Variants in DLGAP2 observed in about 807,000 individuals in gnomAD.
DLGAP2 encodes the protein DLG associated protein 2, also known as disks large-associated protein 2.
In DLGAP2, 26 loss-of-function variants were observed where a neutral mutation model predicts 100.3. The ratio of observed to expected loss-of-function variants is 0.26; its 90% CI spans 0.19 to 0.36. DLGAP2 has a LOEUF of 0.36. Among genes scored for constraint, DLGAP2 ranks in the 10% least tolerant of loss-of-function variants. DLGAP2 has a pLI of 1.00. For missense variants in DLGAP2, 1,858 were observed against 1,453.2 expected (o/e 1.28, Z -4.53); for synonymous variants, 886 against 630.1 (o/e 1.41, Z -6.08).
At chr8:1,192,656 C>T (rs1328897783) in intron 2 of DLGAP2, among the ~76,000 whole-genome samples, 1 of 137,150 alleles carries the variant, frequency 7.3e-6, no homozygotes, top group Non-Finnish European at 1.5e-5. Flanking sequence ...CTTTATGTAT[C>T]TGGTTTCTTT....
chr8:1,116,965 A>G (rs1019296263), intron 2 of DLGAP2, among the ~76,000 whole-genome samples: 17 of 152,350 alleles, frequency 1.1e-4, no homozygotes, highest in African/African-American at 3.8e-4. Flanking sequence ...TGCGGAAGGG[A>G]GATCCCAGGA....
At chr8:968,729 G>A (rs1251619124) in intron 2 of DLGAP2, among the ~76,000 whole-genome samples, 2 of 152,102 alleles carry the variant, frequency 1.3e-5, no homozygotes, top group African/African-American at 2.4e-5. Flanking sequence ...CTGTGTCAGC[G>A]AGTGACAGGC....
At chr8:1,586,748 G>A (rs892025141) in intron 6 of DLGAP2, among the ~76,000 whole-genome samples, 2 of 152,194 alleles carry the variant, frequency 1.3e-5, no homozygotes, top group African/African-American at 4.8e-5. Flanking sequence ...TAACATTACC[G>A]TTGGGGAACT....
chr8:918,436 A>T (rs902632583), intron 2 of DLGAP2, among the ~76,000 whole-genome samples: 5 of 152,090 alleles, frequency 3.3e-5, no homozygotes, highest in African/African-American at 1.2e-4. Context: ...TTAGTTCTAG[A>T]CTGTTTTCTG....
intron 2 of DLGAP2, among the ~76,000 whole-genome samples, chr8:1,208,187 G>C (rs1007503098): frequency 3.9e-5 from 6 of 152,098 alleles, no homozygotes; most frequent in African/African-American, 1.4e-4. Context: ...AGAATATTTA[G>C]GGTTTCAGGT....
At chr8:1,698,898 C>G (rs1197271718) in intron 14 of DLGAP2, among the ~76,000 whole-genome samples, 1 of 151,940 alleles carries the variant, frequency 6.6e-6, no homozygotes, top group African/African-American at 2.4e-5. Flanking sequence ...TGGGACTAGA[C>G]AGGTCCCAGT....
At chr8:1,472,942 T>A (rs1798840282) in intron 3 of DLGAP2, among the ~76,000 whole-genome samples, 1 of 145,702 alleles carries the variant, frequency 6.9e-6, no homozygotes, top group Non-Finnish European at 1.5e-5. Flanking sequence ...ATTCACACAA[T>A]TTTTTTTTTG....
intron 3 of DLGAP2, among the ~76,000 whole-genome samples, chr8:1,442,918 C>T (rs971006438): frequency 7.9e-5 from 12 of 152,244 alleles, no homozygotes; most frequent in Non-Finnish European, 1.0e-4. Flanking sequence ...CATAAATTTG[C>T]TTACATCTTT....
At chr8:1,321,722 C>G (rs767705999) in intron 3 of DLGAP2, among the ~76,000 whole-genome samples, 5 of 152,120 alleles carry the variant, frequency 3.3e-5, no homozygotes, top group Non-Finnish European at 5.9e-5. Flanking sequence ...CTCGGCTTCC[C>G]CATTTATAAC....
At chr8:1,425,260 T>G (rs1797206587) in intron 3 of DLGAP2, among the ~76,000 whole-genome samples, 1 of 152,192 alleles carries the variant, frequency 6.6e-6, no homozygotes, top group Non-Finnish European at 1.5e-5. Flanking sequence ...GTCTGTATTT[T>G]AAAGAATATA....
At chr8:784,107 C>G (rs1821775311) in intron 1 of DLGAP2, among the ~76,000 whole-genome samples, 1 of 152,128 alleles carries the variant, frequency 6.6e-6, no homozygotes, top group South Asian at 2.1e-4. Flanking sequence ...CTTTCTTTCA[C>G]TAAAAAGTAA....
intron 1 of DLGAP2, among the ~76,000 whole-genome samples, chr8:815,951 C>T (rs1796468355): frequency 6.6e-6 from 1 of 152,086 alleles, no homozygotes; most frequent in Non-Finnish European, 1.5e-5. Context: ...GTCCTTTTTT[C>T]AGTGTATAAT....
At chr8:1,659,874 A>T (rs903662790) in intron 8 of DLGAP2, among the ~76,000 whole-genome samples, 2 of 152,098 alleles carry the variant, frequency 1.3e-5, no homozygotes, top group African/African-American at 4.8e-5. Context: ...TGTGAATTAG[A>T]TCCTATCATT....
chr8:1,518,762 T>C (rs1800483922), intron 4 of DLGAP2, among the ~76,000 whole-genome samples: 1 of 152,250 alleles, frequency 6.6e-6, no homozygotes, highest in Non-Finnish European at 1.5e-5. Context: ...ACAGTGATTC[T>C]GCAAACCATA....
At chr8:1,372,587 G>C (rs957672570) in intron 3 of DLGAP2, among the ~76,000 whole-genome samples, 1 of 152,298 alleles carries the variant, frequency 6.6e-6, no homozygotes, top group South Asian at 2.1e-4. Flanking sequence ...GATGCCAGGA[G>C]CTCTTTGTGA....
Position 1,050,315 on chromosome 8 carries a change from T to C in DLGAP2, c.73+142349T>C, listed in dbSNP as rs1307115961. Among the ~76,000 whole-genome samples the C allele has an allele frequency of 2.6e-5, 4 of 152,238 alleles. No homozygotes were observed. The East Asian group carries it at 5.8e-4, about 22-fold the overall frequency. ...TTCCTGAATGCCATACGAGTGCCCC[T>C]CTGCTTCTGTTTTTCACTTTCAGGA... On this transcript the variant is annotated intron_variant, in intron 2 of 14. Coordinates refer to ENST00000637795, the MANE Select transcript of DLGAP2 (RefSeq NM_001346810.2).
At chr8:1,290,860 T>A (rs1338214733) in intron 3 of DLGAP2, among the ~76,000 whole-genome samples, 1 of 152,234 alleles carries the variant, frequency 6.6e-6, no homozygotes, top group Non-Finnish European at 1.5e-5. Context: ...TTTTTGCTAT[T>A]GTGGAAAAAT....
chr8:1,203,945 C>A (rs1376349827), intron 2 of DLGAP2, among the ~76,000 whole-genome samples: 3 of 152,066 alleles, frequency 2.0e-5, no homozygotes, highest in Non-Finnish European at 4.4e-5. Flanking sequence ...GTGTGCATGT[C>A]AAGTGTCAAA....
chr8:1,146,247 C>G (rs1005538402), intron 2 of DLGAP2, among the ~76,000 whole-genome samples: 2 of 152,196 alleles, frequency 1.3e-5, no homozygotes, highest in African/African-American at 4.8e-5. Flanking sequence ...CCTCGAACGT[C>G]TTTTCTTTAT....
Sources: gnomAD v4.1 joint callset for allele counts (sites outside exome capture counted in the v4.1 genomes callset) on GRCh38, gnomAD v4.1.1 for gene constraint, MANE v1.5 for transcripts, NCBI Gene and HGNC (gene_info 2026-07-23, HGNC 2026-07-21) for gene names.